The following DACH1 variants were observed in gnomAD, a reference collection of about 807,000 sequenced individuals.
The protein encoded by DACH1 is dachshund family transcription factor 1, also known as dachshund homolog 1.
DACH1 carries 12 observed loss-of-function variants against 54.2 expected under a neutral mutation model. The ratio of observed to expected loss-of-function variants is 0.22; its 90% CI spans 0.14 to 0.36. The LOEUF (loss-of-function observed/expected upper bound fraction) is 0.36, where lower values mean the gene tolerates loss of function less well. DACH1 is among the 10% of genes least tolerant of loss of function. The probability of loss-of-function intolerance (pLI) is 1.00; values close to 1 mark genes in which losing one functional copy is unlikely to be tolerated. For missense variants in DACH1, 805 were observed against 929.8 expected (o/e 0.87, Z 1.75); for synonymous variants, 386 against 366.2 (o/e 1.05, Z -0.62).
At chr13:71,556,264 C>CA (rs35645498) in intron 6 of DACH1, among the ~76,000 whole-genome samples, 3 of 151,480 alleles carry the variant, frequency 2.0e-5, no homozygotes, top group Admixed American at 6.6e-5. Flanking sequence ...ATGGCTTTGT[C>CA]AAAAAAAGAT....
chr13:71,773,231 A>G (rs1454306307), intron 1 of DACH1, among the ~76,000 whole-genome samples: 3 of 151,882 alleles, frequency 2.0e-5, no homozygotes, highest in Non-Finnish European at 4.4e-5. Context: ...CATTTTCAAA[A>G]TTGCTAGTTT....
In DACH1 at chr13:71,635,671, T is replaced by C. The variant is rs565489746; in HGVS notation, c.965-4954A>G. Among the ~76,000 whole-genome samples the C allele has an allele frequency of 1.4e-3, 215 of 152,296 alleles. 1 individual carries two copies. The highest frequency in any genetic ancestry group is 5.0e-3 in the African/African-American group (207 of 41,580). The stretch of plus-strand genomic sequence containing the variant: ...TTTTCCTTCCTTTCTTCACTTATCA[T>C]AGATCTTCTCCCCTGTCTTCAGATT... On this transcript the variant is annotated intron_variant, in intron 2 of 10. Transcript: ENST00000613252.
At chr13:71,489,776 T>C (rs990107606) in intron 6 of DACH1, among the ~76,000 whole-genome samples, 2 of 152,120 alleles carry the variant, frequency 1.3e-5, no homozygotes, top group Non-Finnish European at 2.9e-5. Flanking sequence ...TACCTTCATA[T>C]TGAAAAATTA....
intron 3 of DACH1, among the ~76,000 whole-genome samples, chr13:71,604,858 A>G (rs997311717): frequency 1.3e-5 from 2 of 151,920 alleles, no homozygotes; most frequent in African/African-American, 4.8e-5. Context: ...CTTGCATATC[A>G]GTAATTTAAT....
intron 1 of DACH1, among the ~76,000 whole-genome samples, chr13:71,847,168 G>A (rs2138252679): frequency 6.6e-6 from 1 of 152,104 alleles, no homozygotes; most frequent in Non-Finnish European, 1.5e-5. Context: ...GAAGCATCCA[G>A]GAATTAGACA....
chr13:71,596,358 T>A (rs889768031), intron 3 of DACH1, among the ~76,000 whole-genome samples: 7 of 152,134 alleles, frequency 4.6e-5, no homozygotes, highest in African/African-American at 1.7e-4. Context: ...GACGACATGA[T>A]TCTGCCCTCA....
At chr13:71,792,643 C>T (rs1886879107) in intron 1 of DACH1, among the ~76,000 whole-genome samples, 1 of 152,108 alleles carries the variant, frequency 6.6e-6, no homozygotes, top group Non-Finnish European at 1.5e-5. Flanking sequence ...AATCCGTGGT[C>T]ACTGTATGTT....
intron 1 of DACH1, among the ~76,000 whole-genome samples, chr13:71,785,352 G>C (rs1886548377): frequency 6.6e-6 from 1 of 152,218 alleles, no homozygotes; most frequent in East Asian, 1.9e-4. Flanking sequence ...AAATGTGATT[G>C]CTGTTAAGAT....
At chr13:71,488,594 T>C (rs1245620490) in intron 7 of DACH1, among the ~76,000 whole-genome samples, 4 of 151,994 alleles carry the variant, frequency 2.6e-5, no homozygotes, top group African/African-American at 9.7e-5. Flanking sequence ...AAACATATCA[T>C]TTCCTCACTA....
rs1447790333 is a variant in DACH1, at chr13:71,559,902, C to T, written c.1353G>A (p.Arg451=). Residue 451 remains arginine (R), a synonymous_variant, in exon 5 of 11, where the codon AGG becomes AGA. Transcript: ENST00000613252. The part of the protein sequence containing the change: ...SPAPSLEEGR[R]PGSHPSSHRS... ...GATGTGATGATGGGTGACTGCCAGG[C>T]CTTCTCCCCTCCTCCAGAGAGGGGG... 3 of 1,609,206 alleles carry T rather than the reference C, an allele frequency of 1.9e-6. No individual in the cohort carries two copies. The highest frequency in any genetic ancestry group is 3.4e-5 in the Admixed American group (2 of 59,482).
At chr13:71,621,656 A>T (rs1208945140) in intron 3 of DACH1, among the ~76,000 whole-genome samples, 4 of 152,052 alleles carry the variant, frequency 2.6e-5, no homozygotes, top group African/African-American at 9.7e-5. Context: ...AAGATGTAAT[A>T]ATGCCATTAC....
At chr13:71,721,517 G>C (rs58520795) in intron 1 of DACH1, among the ~76,000 whole-genome samples, 5,079 of 152,100 alleles carry the variant, frequency 0.033, 189 homozygotes, top group African/African-American at 0.093. Context: ...TTCATTAAAA[G>C]CAGCTTGGTT....
At chr13:71,861,944 G>C (rs1013932533) in intron 1 of DACH1, among the ~76,000 whole-genome samples, 1 of 147,988 alleles carries the variant, frequency 6.8e-6, no homozygotes, top group African/African-American at 2.5e-5. Context: ...TCAAGAGTTG[G>C]AAAATGTTTT....
intron 6 of DACH1, among the ~76,000 whole-genome samples, chr13:71,505,739 T>G (rs1880262512): frequency 6.6e-6 from 1 of 152,192 alleles, no homozygotes; most frequent in Non-Finnish European, 1.5e-5. Context: ...CCTTCTCATA[T>G]ACTAAGATTT....
intron 1 of DACH1, among the ~76,000 whole-genome samples, chr13:71,815,626 C>CT (rs1418607973): frequency 6.6e-6 from 1 of 152,048 alleles, no homozygotes; most frequent in African/African-American, 2.4e-5. Flanking sequence ...TTTTCAAGTC[C>CT]TTTTTTAGGA....
At chr13:71,852,983 A>T (rs1308412931) in intron 1 of DACH1, among the ~76,000 whole-genome samples, 2 of 152,212 alleles carry the variant, frequency 1.3e-5, no homozygotes, top group Non-Finnish European at 2.9e-5. Context: ...ACTCAGTGAT[A>T]CATATTTCCA....
intron 10 of DACH1, chr13:71,464,602 G>T: frequency 2.3e-6 from 1 of 442,072 alleles, no homozygotes; most frequent in Non-Finnish European, 4.5e-6. Flanking sequence ...TGCAAATTAT[G>T]CAAATTAGAC....
In DACH1 at chr13:71,864,180, T is replaced by TACACACACACACAC. The variant is rs55651625; in HGVS notation, c.848+1728_848+1741dup. 6.2e-3 allele frequency among the ~76,000 whole-genome samples: 674 copies of TACACACACACACAC among 108,482 alleles called. 4 individuals carry two copies. The highest frequency in any genetic ancestry group is 0.023 in the African/African-American group (631 of 27,816). 71.2% of individuals were successfully genotyped at this position (108,482 alleles called of 152,430 possible). A position where few individuals can be genotyped will look rare whatever the true frequency, so the allele number is the denominator to read the frequency against. ...ATACTTTTGAGCGCGCGCGCGCACA[T>TACACACACACACAC]ACACACACACACACACACACACACA... On this transcript the variant is annotated intron_variant, in intron 1 of 10. Transcript: ENST00000613252.
chr13:71,530,702 T>C (rs1217770924), intron 6 of DACH1, among the ~76,000 whole-genome samples: 1 of 152,168 alleles, frequency 6.6e-6, no homozygotes, highest in East Asian at 1.9e-4. Flanking sequence ...AAATTACATT[T>C]GCCGATCATC....
Sources: gnomAD v4.1 joint callset for allele counts (sites outside exome capture counted in the v4.1 genomes callset) on GRCh38, gnomAD v4.1.1 for gene constraint, MANE v1.5 for transcripts, NCBI Gene and HGNC (gene_info 2026-07-23, HGNC 2026-07-21) for gene names.